TRIP4: variants seen among roughly 807,000 people sequenced by gnomAD.
TRIP4 encodes the protein thyroid hormone receptor interactor 4.
Under a neutral mutation model 81.8 loss-of-function variants are expected in TRIP4, and 54 were observed. That is an observed-to-expected ratio of 0.66 (90% CI 0.53 to 0.83). The LOEUF is 0.83. Among genes scored for constraint, TRIP4 ranks in the 40% least tolerant of loss-of-function variants. The pLI, the probability that TRIP4 is intolerant of heterozygous loss-of-function variation, is 0.00. For missense variants in TRIP4, 662 were observed against 683.6 expected (o/e 0.97, Z 0.35); for synonymous variants, 270 against 242.8 (o/e 1.11, Z -1.04).
intron 5 of TRIP4, among the ~76,000 whole-genome samples, chr15:64,401,031 G>A (rs937532659): frequency 1.3e-5 from 2 of 151,824 alleles, no homozygotes; most frequent in African/African-American, 4.8e-5. Flanking sequence ...ACGCGATCTT[G>A]GCTTACTGCA....
Position 64,394,097 on chromosome 15 carries a change from C to T in TRIP4, c.253C>T (p.Gln85Ter). 2 of 1,597,474 alleles carry T rather than the reference C, an allele frequency of 1.3e-6. No individual in the cohort carries two copies. The highest frequency in any genetic ancestry group is 1.7e-6 in the Non-Finnish European group (2 of 1,172,088). The change falls in exon 2 of 13, where the codon CAG becomes TAG. Residue 85 changes from glutamine to a stop codon, truncating the protein, a stop_gained. Coordinates refer to ENST00000261884, the MANE Select transcript of TRIP4 (RefSeq NM_016213.5). LOFTEE classifies it high-confidence loss of function. ...DQELISDPLQ[Q>*]CFKKDEILDG... is the part of the protein sequence containing the mutation. ...GGAGTTGATTTCGGATCCTTTGCAG[C>T]AGTGCTTCAAAAAAGATGGTAAGTT... is the stretch of plus-strand genomic sequence containing the variant.
At chr15:64,423,344 T>C (rs1892059948) in intron 9 of TRIP4, among the ~76,000 whole-genome samples, 1 of 150,712 alleles carries the variant, frequency 6.6e-6, no homozygotes, top group African/African-American at 2.4e-5. Flanking sequence ...GTGCGTGTAG[T>C]CCCAGCTACT....
chr15:64,401,972 T>C (rs1271782456), intron 5 of TRIP4, among the ~76,000 whole-genome samples: 1 of 152,166 alleles, frequency 6.6e-6, no homozygotes, highest in Non-Finnish European at 1.5e-5. Flanking sequence ...CTAATTGCAG[T>C]ATAGATCCAG....
intron 11 of TRIP4, among the ~76,000 whole-genome samples, chr15:64,431,847 A>ATATATTTTT: frequency 3.1e-4 from 37 of 119,554 alleles, no homozygotes; most frequent in South Asian, 9.9e-4. Context: ...ATATATATAT[A>ATATATTTTT]TTTTTTTTAT....
At chr15:64,435,878 C>T (rs1249410589) in intron 11 of TRIP4, among the ~76,000 whole-genome samples, 2 of 109,286 alleles carry the variant, frequency 1.8e-5, no homozygotes, top group East Asian at 2.8e-4. Context: ...TCCTGGAATA[C>T]CATAATGGTA....
chr15:64,445,058 A>C lies in TRIP4; in HGVS notation c.1628A>C (p.Asn543Thr), dbSNP rs1173670836. The change falls in exon 12 of 13, where the codon AAT becomes ACT. Residue 543 changes from asparagine (N) to threonine (T), a missense_variant. Transcript: ENST00000261884. ...SDSPFVFICK[N>T]PQEMVVKFPI... is the part of the protein sequence containing the mutation. ...TCTCCATTTGTTTTCATCTGCAAAA[A>C]TCCTCAGGAAATGGTTGTGAAGTTT... The C allele has an allele frequency of 1.2e-6, 2 of 1,606,298 alleles. No individual in the cohort carries two copies. Among genetic ancestry groups the C allele is most frequent in the Non-Finnish European group, 1.7e-6 (2 of 1,175,008 alleles).
chr15:64,431,848 T>TATATATATATATATATATA (rs879733141), intron 11 of TRIP4, among the ~76,000 whole-genome samples: 6 of 8,274 alleles, frequency 7.3e-4, no homozygotes, highest in African/African-American at 8.9e-4. Flanking sequence ...TATATATATA[T>TATATATATATATATATATA]TTTTTTTATC....
intron 3 of TRIP4, among the ~76,000 whole-genome samples, chr15:64,397,027 G>T (rs1446790297): frequency 2.0e-5 from 3 of 152,132 alleles, no homozygotes; most frequent in Non-Finnish European, 4.4e-5. Flanking sequence ...ATGCCTGTTA[G>T]TCATTAGGAT....
intron 6 of TRIP4, among the ~76,000 whole-genome samples, chr15:64,408,024 G>A (rs72741307): frequency 0.048 from 7,327 of 151,430 alleles, 235 homozygotes; most frequent in South Asian, 0.09. Flanking sequence ...TTGAGACTGG[G>A]AGGTGGAGGT....
At chr15:64,438,921 A>T (rs1892458630) in intron 11 of TRIP4, among the ~76,000 whole-genome samples, 2 of 152,100 alleles carry the variant, frequency 1.3e-5, no homozygotes, top group African/African-American at 4.8e-5. Context: ...GTGTCTTATC[A>T]CTTATTTCTT....
At chr15:64,437,642 G>A (rs907146235) in intron 11 of TRIP4, among the ~76,000 whole-genome samples, 10 of 151,756 alleles carry the variant, frequency 6.6e-5, no homozygotes, top group Non-Finnish European at 1.3e-4. Context: ...ACAGGCGCAC[G>A]CCACCACGTT....
At chr15:64,454,230 C>A (rs911607225) in intron 12 of TRIP4, among the ~76,000 whole-genome samples, 2 of 151,152 alleles carry the variant, frequency 1.3e-5, no homozygotes, top group African/African-American at 2.4e-5. Context: ...TGGGAGAAAG[C>A]AAACTGCCAA....
At chr15:64,450,362 C>G (rs1181555280) in intron 12 of TRIP4, among the ~76,000 whole-genome samples, 1 of 136,222 alleles carries the variant, frequency 7.3e-6, no homozygotes, top group East Asian at 2.2e-4. Context: ...GCACTCCAGC[C>G]TGGGCGAGAG....
At chr15:64,430,340 G>C (rs145889823) in intron 11 of TRIP4, among the ~76,000 whole-genome samples, 1 of 152,200 alleles carries the variant, frequency 6.6e-6, no homozygotes, top group Non-Finnish European at 1.5e-5. Flanking sequence ...GAGCCATCTC[G>C]TTAAAGCTTC....
At chr15:64,435,559 G>A (rs948663590) in intron 11 of TRIP4, among the ~76,000 whole-genome samples, 5 of 150,012 alleles carry the variant, frequency 3.3e-5, no homozygotes, top group African/African-American at 1.2e-4. Flanking sequence ...TATTGCTTAG[G>A]ATATTATATA....
At position 64,427,708 on chromosome 15, in the gene TRIP4, C is replaced by G. The variant is rs566189956; in HGVS notation, c.1575+2077C>G. Among the ~76,000 whole-genome samples, 147 of 152,168 alleles carry G rather than the reference C, an allele frequency of 9.7e-4. 1 individual carries two copies. Among genetic ancestry groups the G allele is most frequent in the Non-Finnish European group, 1.7e-3 (116 of 68,032 alleles). On this transcript the variant is annotated intron_variant, in intron 11 of 12. Coordinates refer to ENST00000261884, the MANE Select transcript of TRIP4 (RefSeq NM_016213.5). ...TGATTTTAACTAACACTTGTTATCC[C>G]TCTAGATTTATGTCTTTCATTTCCT...
At chr15:64,393,738 GT>G (rs968924938) in intron 1 of TRIP4, 1 of 366,626 alleles carries the variant, frequency 2.7e-6, no homozygotes. Flanking sequence ...GTATAACGTT[GT>G]TTTTTTCCTA....
chr15:64,430,773 T>C (rs2140304353), intron 11 of TRIP4, among the ~76,000 whole-genome samples: 1 of 152,334 alleles, frequency 6.6e-6, no homozygotes, highest in South Asian at 2.1e-4. Flanking sequence ...TTTAGTCTAT[T>C]TGATCTTACA....
At chr15:64,396,090 G>A (rs1900285198) in intron 3 of TRIP4, among the ~76,000 whole-genome samples, 1 of 151,568 alleles carries the variant, frequency 6.6e-6, no homozygotes, top group Non-Finnish European at 1.5e-5. Flanking sequence ...TCGTATTTTA[G>A]TAGAGATGGG....
Sources: allele counts gnomAD v4.1 joint callset (sites outside exome capture counted in the v4.1 genomes callset), GRCh38; gene constraint gnomAD v4.1.1; transcripts MANE v1.5; gene names NCBI Gene and HGNC (gene_info 2026-07-23, HGNC 2026-07-21).